Variants in TGFBR3 observed in about 807,000 individuals in gnomAD.
TGFBR3 encodes the protein transforming growth factor beta receptor 3.
TGFBR3 carries 46 observed loss-of-function variants against 87.9 expected under a neutral mutation model. That is an observed-to-expected ratio of 0.52 (90% CI 0.41 to 0.67). TGFBR3 has a LOEUF of 0.67. TGFBR3 is among the 30% of genes least tolerant of loss of function. TGFBR3 has a pLI of 0.00. For missense variants in TGFBR3, 866 were observed against 1,041.9 expected (o/e 0.83, Z 2.32); for synonymous variants, 381 against 391.6 (o/e 0.97, Z 0.32).
rs202193233 is a variant in TGFBR3 at position 91,721,969 on chromosome 1, C to T, written c.1061G>A (p.Arg354Gln). The part of the protein sequence containing the change: ...MAPVANRFHL[R>Q]LENNAEEMGD... ...TTCTAACTTACCATTATTTTCAAGC[C>T]GAAGATGAAATCTATTAGCCACAGG... Residue 354 changes from arginine (R) to glutamine (Q), a missense_variant, in exon 8 of 17, where the codon CGG (arginine) becomes CAG (glutamine). Physicochemically the swap from Arg to Gln is conservative, Grantham distance 43. Transcript: ENST00000212355. 172 of 1,612,304 alleles carry T rather than the reference C, an allele frequency of 1.1e-4. No individual in the cohort carries two copies. Among genetic ancestry groups the T allele is most frequent in the Middle Eastern group, 1.7e-4 (1 of 6,050 alleles).
chr1:91,728,047 T>C (rs1672609024), intron 6 of TGFBR3: 2 of 543,412 alleles, frequency 3.7e-6, no homozygotes, highest in African/African-American at 1.9e-5. Context: ...TCTTCTTTGA[T>C]GGAAAAGAGG....
intron 4 of TGFBR3, among the ~76,000 whole-genome samples, chr1:91,738,455 CTCTCGTCTTGAGTTCACGTGAGA>C (rs773310216): frequency 1.3e-5 from 2 of 152,152 alleles, no homozygotes; most frequent in Non-Finnish European, 2.9e-5. Flanking sequence ...AATAAGTGAA[CTCTCGTCTTGAGTTCACGTGAGA>C]TCTGCTCATT....
intron 2 of TGFBR3, among the ~76,000 whole-genome samples, chr1:91,858,279 G>A (rs1409271336): frequency 6.6e-6 from 1 of 152,052 alleles, no homozygotes; most frequent in Non-Finnish European, 1.5e-5. Flanking sequence ...TGTAAAGTAT[G>A]CTGGGCCTAC....
At chr1:91,875,238 C>T (rs948548604) in intron 1 of TGFBR3, among the ~76,000 whole-genome samples, 1 of 152,054 alleles carries the variant, frequency 6.6e-6, no homozygotes, top group African/African-American at 2.4e-5. Context: ...CATGAAGCCC[C>T]ACTGGAGGAG....
chr1:91,902,271 T>TTTTTG (rs534984244), intron 1 of TGFBR3, among the ~76,000 whole-genome samples: 1,788 of 148,342 alleles, frequency 0.012, 27 homozygotes, highest in African/African-American at 0.029. Flanking sequence ...TCCTTTTCTT[T>TTTTTG]TGTGTGTGTG....
chr1:91,742,234 T>C lies in TGFBR3; in HGVS notation c.385-7275A>G, dbSNP rs72965100. 3.7e-3 allele frequency among the ~76,000 whole-genome samples: 559 copies of C among 152,290 alleles called. 5 individuals carry two copies. The highest frequency in any genetic ancestry group is 0.013 in the African/African-American group (538 of 41,552). On this transcript the variant is annotated intron_variant, in intron 4 of 16. Transcript: ENST00000212355. ...ACCTTTAGTCCATCCCTCTCTCACA[T>C]GGACTGCAACTATTTATCAGCATAC...
chr1:91,879,500 C>T (rs571760995), intron 1 of TGFBR3, among the ~76,000 whole-genome samples: 29 of 152,156 alleles, frequency 1.9e-4, no homozygotes, highest in Non-Finnish European at 4.0e-4. Context: ...TCTAGACCTT[C>T]CATTTTAAAT....
intron 2 of TGFBR3, among the ~76,000 whole-genome samples, chr1:91,818,462 C>A (rs1270722816): frequency 6.6e-6 from 1 of 152,072 alleles, no homozygotes; most frequent in Non-Finnish European, 1.5e-5. Context: ...GTGGACCTTG[C>A]CAGCCCTGGT....
At chr1:91,871,229 C>T (rs1229996638) in intron 1 of TGFBR3, among the ~76,000 whole-genome samples, 1 of 152,164 alleles carries the variant, frequency 6.6e-6, no homozygotes, top group Non-Finnish European at 1.5e-5. Flanking sequence ...CCACTGTAGA[C>T]ATCAACCAGG....
intron 2 of TGFBR3, among the ~76,000 whole-genome samples, chr1:91,801,713 T>C (rs1571525148): frequency 6.6e-6 from 1 of 152,078 alleles, no homozygotes. Context: ...TAAAGAAAAG[T>C]TGGGAGAGGG....
intron 3 of TGFBR3, among the ~76,000 whole-genome samples, chr1:91,759,859 G>A (rs894896890): frequency 1.3e-5 from 2 of 152,358 alleles, no homozygotes; most frequent in Non-Finnish European, 2.9e-5. Flanking sequence ...TCCACGATCT[G>A]TGTCTATACA....
chr1:91,716,803 T>C (rs1672194114), intron 10 of TGFBR3, 95 bp from the exon 11 acceptor site: 3 of 1,479,860 alleles, frequency 2.0e-6, no homozygotes, highest in East Asian at 4.5e-5. Context: ...ATCATTCTGA[T>C]GCAAATTGAA....
At chr1:91,863,991 C>G (rs894239402) in intron 1 of TGFBR3, 1 of 152,178 alleles carries the variant, frequency 6.6e-6, no homozygotes, top group Non-Finnish European at 1.5e-5. Context: ...AATTGGTTCA[C>G]AAGAACTATA....
rs536777751 is a variant in TGFBR3, at chr1:91,694,448, G to A, written c.2437+1224C>T. Among the ~76,000 whole-genome samples the A allele has an allele frequency of 5.3e-4, 81 of 152,308 alleles. 1 individual carries two copies. Among genetic ancestry groups the A allele is most frequent in the African/African-American group, 2.6e-4 (11 of 41,568 alleles). ...AAGAGTCCATTCCTCTCCTTCTGGC[G>A]TAATCTAAAATACCTCAGGCAGGAG... On this transcript the variant is annotated intron_variant, in intron 16 of 16. Coordinates refer to ENST00000212355, the MANE Select transcript of TGFBR3 (RefSeq NM_003243.5).
chr1:91,829,441 TG>T (rs1676774137), intron 2 of TGFBR3, among the ~76,000 whole-genome samples: 2 of 148,006 alleles, frequency 1.4e-5, no homozygotes, highest in Non-Finnish European at 3.0e-5. Flanking sequence ...AGCCACAGGA[TG>T]GCATCAGAAG....
intron 1 of TGFBR3, among the ~76,000 whole-genome samples, chr1:91,904,717 G>C (rs1679807171): frequency 6.6e-6 from 1 of 151,910 alleles, no homozygotes; most frequent in South Asian, 2.1e-4. Flanking sequence ...GGCCCCCACT[G>C]CCATGCCTGG....
At chr1:91,891,141 G>A (rs951247181), upstream of TGFBR3, among the ~76,000 whole-genome samples, 17 of 150,736 alleles carry the variant, frequency 1.1e-4, no homozygotes, top group African/African-American at 3.9e-4. Flanking sequence ...CAGCTGCCTC[G>A]GCCTCCCAAA....
chr1:91,900,205 C>T (rs1679682414), intron 1 of TGFBR3, among the ~76,000 whole-genome samples: 1 of 152,170 alleles, frequency 6.6e-6, no homozygotes, highest in Non-Finnish European at 1.5e-5. Context: ...ACCTCCACCT[C>T]CCAGGTTTAG....
chr1:91,821,464 G>A (rs916091082), intron 2 of TGFBR3, among the ~76,000 whole-genome samples: 11 of 151,694 alleles, frequency 7.3e-5, no homozygotes, highest in Non-Finnish European at 1.6e-4. Context: ...TTAAAAATAT[G>A]CTCTACTTTA....
Sources: gnomAD v4.1 joint callset for allele counts (sites outside exome capture counted in the v4.1 genomes callset) on GRCh38, gnomAD v4.1.1 for gene constraint, MANE v1.5 for transcripts, NCBI Gene and HGNC (gene_info 2026-07-23, HGNC 2026-07-21) for gene names.